TENM4: variants seen among roughly 807,000 people sequenced by gnomAD.
The protein encoded by TENM4 is teneurin transmembrane protein 4.
A neutral mutation model predicts 243.3 loss-of-function variants in TENM4; 82 were observed. The ratio of observed to expected loss-of-function variants is 0.34; its 90% CI spans 0.28 to 0.40. The LOEUF (loss-of-function observed/expected upper bound fraction) is 0.40. Ranked by LOEUF, TENM4 falls within the 10% of genes least tolerant of loss-of-function variation. The probability of loss-of-function intolerance (pLI) is 1.00; values close to 1 mark genes in which losing one functional copy is unlikely to be tolerated. For missense variants in TENM4, 3,138 were observed against 3,673.3 expected, an observed-to-expected ratio of 0.85 and a Z score of 3.77; for synonymous variants, 1,412 against 1,456.3, an observed-to-expected ratio of 0.97 and a Z score of 0.69.
chr11:78,808,847 A>G (rs745344029), intron 14 of TENM4, among the ~76,000 whole-genome samples: 1 of 152,200 alleles, frequency 6.6e-6, no homozygotes, highest in Non-Finnish European at 1.5e-5. Flanking sequence ...ATTGTGATAA[A>G]TTCTCATGAC....
chr11:79,172,374 C>G (rs1270046264), intron 3 of TENM4, among the ~76,000 whole-genome samples: 2 of 152,196 alleles, frequency 1.3e-5, no homozygotes, highest in African/African-American at 2.4e-5. Flanking sequence ...CACCGTTATT[C>G]ATTCACTTAT....
At chr11:79,287,480 T>C (rs1243920864) in intron 2 of TENM4, among the ~76,000 whole-genome samples, 1 of 152,162 alleles carries the variant, frequency 6.6e-6, no homozygotes, top group Non-Finnish European at 1.5e-5. Flanking sequence ...AAAATATCCA[T>C]GTTCTGTAGA....
chr11:78,969,548 C>A lies in TENM4; in HGVS notation c.494-66025G>T, dbSNP rs145913098. ...TTTATTACTCTGTCAAAAAGAAAGA[C>A]CATTAACAAAATATACTTTTTAACA... On this transcript the variant is annotated intron_variant, in intron 6 of 33. Coordinates refer to ENST00000278550, the MANE Select transcript of TENM4 (RefSeq NM_001098816.3). 4.3e-4 allele frequency among the ~76,000 whole-genome samples: 65 copies of A among 152,280 alleles called. No individual in the cohort carries two copies. In the Middle Eastern group the frequency reaches 0.01, roughly 24 times the overall value.
intron 25 of TENM4, among the ~76,000 whole-genome samples, chr11:78,718,356 A>G (rs1272550979): frequency 2.0e-5 from 3 of 152,228 alleles, no homozygotes; most frequent in Non-Finnish European, 4.4e-5. Flanking sequence ...TTAATTGACG[A>G]AGGGTTTAAA....
chr11:79,089,037 G>A (rs1040281159), intron 4 of TENM4, among the ~76,000 whole-genome samples: 22 of 152,190 alleles, frequency 1.4e-4, no homozygotes, highest in African/African-American at 4.6e-4. Flanking sequence ...GCGGGAAAAT[G>A]TGATGGAGCC....
intron 1 of TENM4, among the ~76,000 whole-genome samples, chr11:79,352,999 A>G (rs780768567): frequency 1.3e-5 from 2 of 152,188 alleles, no homozygotes; most frequent in Non-Finnish European, 2.9e-5. Flanking sequence ...GGATACCCTC[A>G]TTGGCAAGGC....
At chr11:79,145,857 A>G (rs1465465154) in intron 4 of TENM4, among the ~76,000 whole-genome samples, 4 of 152,076 alleles carry the variant, frequency 2.6e-5, no homozygotes, top group Admixed American at 1.3e-4. Context: ...TATGGTTTTA[A>G]TTTGTCATTC....
intron 6 of TENM4, among the ~76,000 whole-genome samples, chr11:79,030,422 G>A (rs35088854): frequency 0.32 from 49,365 of 151,918 alleles, 8,786 homozygotes; most frequent in African/African-American, 0.45. Context: ...TGCTAGGTTG[G>A]GAGCCACCCT....
chr11:78,788,099 C>T (rs1856977376), intron 15 of TENM4, among the ~76,000 whole-genome samples: 1 of 152,232 alleles, frequency 6.6e-6, no homozygotes. Flanking sequence ...TTCTTTCAAA[C>T]TAAATTAGCT....
At chr11:79,074,837 C>T (rs1565192977) in intron 4 of TENM4, among the ~76,000 whole-genome samples, 1 of 152,198 alleles carries the variant, frequency 6.6e-6, no homozygotes, top group Non-Finnish European at 1.5e-5. Context: ...CAGGCCTCCG[C>T]TTCATACTGG....
At chr11:79,279,608 AC>A (rs1856120432) in intron 2 of TENM4, among the ~76,000 whole-genome samples, 1 of 151,794 alleles carries the variant, frequency 6.6e-6, no homozygotes. Context: ...CTGTCTTCCC[AC>A]CTCATGTCCT....
intron 3 of TENM4, among the ~76,000 whole-genome samples, chr11:79,179,946 A>G (rs1565238031): frequency 6.6e-6 from 1 of 151,766 alleles, no homozygotes; most frequent in Non-Finnish European, 1.5e-5. Flanking sequence ...GCAAGATTAA[A>G]GATCTCCTTA....
intron 3 of TENM4, among the ~76,000 whole-genome samples, chr11:79,209,152 C>A (rs1863906717): frequency 6.6e-6 from 1 of 152,224 alleles, no homozygotes; most frequent in African/African-American, 2.4e-5. Flanking sequence ...AATGGCTCTG[C>A]AATCATTCTG....
In TENM4 at chr11:78,669,129, G is replaced by A. The variant is rs1858242302; in HGVS notation, c.7216C>T (p.Leu2406Phe). ...FQIIIGYHGG[L>F]YDPLTKLVHM... Reference sequence around the variant, plus strand: ...ACAAGCTTGGTGAGTGGATCATAGAGGCCACCATGGTAGCCTATGATGATC... The same window carrying A: ...ACAAGCTTGGTGAGTGGATCATAGAAGCCACCATGGTAGCCTATGATGATC... Residue 2406 changes from leucine to phenylalanine, a missense_variant, in exon 32 of 34, where the codon CTC (leucine) becomes TTC (phenylalanine). Coordinates refer to ENST00000278550, the MANE Select transcript of TENM4 (RefSeq NM_001098816.3). This position sits in a 1 kb window ranked among gnomAD's most constrained non-coding sequence, Gnocchi z 6.4. The A allele has an allele frequency of 1.2e-6, 2 of 1,613,608 alleles. No individual in the cohort carries two copies. Among genetic ancestry groups the A allele is most frequent in the Non-Finnish European group, 1.7e-6 (2 of 1,179,764 alleles).
chr11:79,046,448 C>T (rs1160225610), intron 6 of TENM4, among the ~76,000 whole-genome samples: 1 of 149,356 alleles, frequency 6.7e-6, no homozygotes, highest in African/African-American at 2.6e-5. Context: ...ATGAACTCTC[C>T]CCCCCAAAAA....
intron 1 of TENM4, among the ~76,000 whole-genome samples, chr11:79,387,935 G>C (rs1452948579): frequency 6.6e-6 from 1 of 152,212 alleles, no homozygotes; most frequent in Non-Finnish European, 1.5e-5. Flanking sequence ...AGCCCAAGAG[G>C]CTGGGGCTGC....
chr11:79,310,467 G>C (rs185102694), intron 1 of TENM4, among the ~76,000 whole-genome samples: 12 of 152,186 alleles, frequency 7.9e-5, no homozygotes, highest in Non-Finnish European at 1.6e-4. Flanking sequence ...GCCTGAATAC[G>C]CACTCATATG....
chr11:78,917,190 A>G (rs1856337675), intron 6 of TENM4, among the ~76,000 whole-genome samples: 1 of 152,230 alleles, frequency 6.6e-6, no homozygotes, highest in South Asian at 2.1e-4. Flanking sequence ...GAAAATGGAG[A>G]CTTTGCAAGG....
chr11:79,424,803 G>T (rs561513470), intron 1 of TENM4, among the ~76,000 whole-genome samples: 2 of 151,800 alleles, frequency 1.3e-5, no homozygotes, highest in African/African-American at 4.8e-5. Flanking sequence ...GCGTGGTGGC[G>T]GACGCCTATT....
Sources: gnomAD v4.1 joint callset for allele counts (sites outside exome capture counted in the v4.1 genomes callset) on GRCh38, gnomAD v4.1.1 for gene constraint, Gnocchi (gnomAD v3.1) non-coding constraint, MANE v1.5 for transcripts, NCBI Gene and HGNC (gene_info 2026-07-23, HGNC 2026-07-21) for gene names.